Variants in RORA observed in about 807,000 individuals in gnomAD.
The protein encoded by RORA is RAR related orphan receptor A, also known as nuclear receptor ROR-alpha.
A neutral mutation model predicts 69.5 loss-of-function variants in RORA; 7 were observed. The observed-to-expected ratio is 0.10, with a 90% confidence interval of 0.06 to 0.19. RORA has a LOEUF of 0.19. Ranked by LOEUF, RORA falls within the 10% of genes least tolerant of loss-of-function variation. The pLI, the probability that RORA is intolerant of heterozygous loss-of-function variation, is 1.00. For missense variants in RORA, 457 were observed against 663.0 expected (o/e 0.69, Z 3.41); for synonymous variants, 261 against 240.8 (o/e 1.08, Z -0.78).
Position 60,496,029 on chromosome 15 carries a change from G to A in RORA, c.*1426C>T, listed in dbSNP as rs1215449074. The A allele has an allele frequency of 6.6e-6, 1 of 152,042 alleles. No individual in the cohort carries two copies. Among genetic ancestry groups the A allele is most frequent in the Non-Finnish European group, 1.5e-5 (1 of 68,004 alleles). 9.4% of individuals were successfully genotyped at this position (152,042 alleles called of 1,614,324 possible). A position where few individuals can be genotyped will look rare whatever the true frequency, so the allele number is the denominator to read the frequency against. Reference sequence around the variant, plus strand: ...CAGCTAGCATCAACTTCACTTTAAAGGCTTAAAGTATTTAATATTTAAATA... The same window carrying A: ...CAGCTAGCATCAACTTCACTTTAAAAGCTTAAAGTATTTAATATTTAAATA... On this transcript the variant is annotated 3_prime_UTR_variant, in exon 11 of 11. Transcript: ENST00000335670. This position sits in a 1 kb window ranked among gnomAD's most constrained non-coding sequence, Gnocchi z 4.5.
intron 2 of RORA, among the ~76,000 whole-genome samples, chr15:60,550,274 AGT>A (rs2067194799): frequency 2.0e-5 from 3 of 152,140 alleles, no homozygotes. Context: ...TGGGCAGCAG[AGT>A]GAGACTCCGT....
chr15:61,009,898 AC>A (rs1163039994), intron 1 of RORA, among the ~76,000 whole-genome samples: 2 of 152,326 alleles, frequency 1.3e-5, no homozygotes, highest in South Asian at 4.1e-4. Flanking sequence ...AGGGTATGCA[AC>A]TGTGCAGATC....
chr15:61,204,654 C>T (rs929942131), intron 1 of RORA, among the ~76,000 whole-genome samples: 11 of 152,152 alleles, frequency 7.2e-5, no homozygotes, highest in South Asian at 4.1e-4. Flanking sequence ...TTTGCATTTC[C>T]AAAAATCCAC....
intron 1 of RORA, among the ~76,000 whole-genome samples, chr15:60,695,726 T>G (rs905552407): frequency 1.3e-5 from 2 of 152,102 alleles, no homozygotes; most frequent in African/African-American, 2.4e-5. Flanking sequence ...GATTCCTGCC[T>G]CGCGCCCCCA....
At chr15:61,118,024 G>A (rs1004999391) in intron 1 of RORA, among the ~76,000 whole-genome samples, 5 of 152,100 alleles carry the variant, frequency 3.3e-5, no homozygotes, top group Non-Finnish European at 5.9e-5. Context: ...AGGCGTATTC[G>A]GTTTGACACC....
At chr15:60,913,135 C>T (rs150581350) in intron 1 of RORA, among the ~76,000 whole-genome samples, 160 of 152,242 alleles carry the variant, frequency 1.1e-3, no homozygotes, top group Middle Eastern at 3.4e-3. Flanking sequence ...AGGGCAGCCA[C>T]GCTTTGGAGG....
intron 1 of RORA, among the ~76,000 whole-genome samples, chr15:60,801,021 T>C (rs576123392): frequency 1.1e-4 from 16 of 152,302 alleles, no homozygotes; most frequent in African/African-American, 3.8e-4. Flanking sequence ...ACTGAAAAAC[T>C]AGACGTGAAG....
intron 1 of RORA, among the ~76,000 whole-genome samples, chr15:60,902,613 CT>C (rs1891423181): frequency 6.6e-6 from 1 of 152,150 alleles, no homozygotes; most frequent in South Asian, 2.1e-4. Flanking sequence ...TGATTTGGAT[CT>C]TTTTCAAGAA....
intron 1 of RORA, among the ~76,000 whole-genome samples, chr15:61,020,981 C>T (rs139520382): frequency 2.0e-5 from 3 of 152,266 alleles, no homozygotes; most frequent in East Asian, 1.9e-4. Flanking sequence ...TTCCACATAA[C>T]GTGAATTCTG....
intron 1 of RORA, among the ~76,000 whole-genome samples, chr15:61,225,404 A>C (rs2140952006): frequency 6.6e-6 from 1 of 152,298 alleles, no homozygotes; most frequent in East Asian, 1.9e-4. Flanking sequence ...TGAATCAGCC[A>C]AAACTGAAGG....
At chr15:60,834,285 G>A (rs1044506165) in intron 1 of RORA, among the ~76,000 whole-genome samples, 13 of 152,262 alleles carry the variant, frequency 8.5e-5, no homozygotes, top group African/African-American at 3.1e-4. Flanking sequence ...TTTCTGAGTG[G>A]TTTTAAAAGC....
chr15:60,493,432 A>C lies in RORA; in HGVS notation c.*4023T>G, dbSNP rs1302222043. 1.3e-5 allele frequency: 2 copies of C among 152,234 alleles called. No individual in the cohort carries two copies. Among genetic ancestry groups the C allele is most frequent in the East Asian group, 3.9e-4 (2 of 5,194 alleles). The allele number at this position is 152,234 out of a possible 1,614,324, so 9.4% of individuals were successfully genotyped here. ...GAGGAATGAAGAACATGTGCAAAAAAGCAACAATGAGAGAAGCTTACATAC... is the reference window on the plus strand; with the variant it reads ...GAGGAATGAAGAACATGTGCAAAAACGCAACAATGAGAGAAGCTTACATAC... On this transcript the variant is annotated 3_prime_UTR_variant, in exon 11 of 11. Coordinates refer to ENST00000335670, the MANE Select transcript of RORA (RefSeq NM_134261.3).
intron 1 of RORA, among the ~76,000 whole-genome samples, chr15:60,712,724 G>A (rs547629323): frequency 5.3e-5 from 8 of 152,322 alleles, no homozygotes; most frequent in African/African-American, 1.9e-4. Flanking sequence ...CTTCCAGGAA[G>A]GCTTTTGTGA....
chr15:60,746,545 G>T (rs2140855555), intron 1 of RORA, among the ~76,000 whole-genome samples: 1 of 152,302 alleles, frequency 6.6e-6, no homozygotes, highest in Admixed American at 6.5e-5. Context: ...TCAACTACCT[G>T]TGATCAATGA....
At chr15:60,693,513 T>C (rs1596132196) in intron 1 of RORA, among the ~76,000 whole-genome samples, 1 of 152,104 alleles carries the variant, frequency 6.6e-6, no homozygotes, top group Non-Finnish European at 1.5e-5. Context: ...GTCAAACTGT[T>C]TGCAGATGAC....
At chr15:61,108,447 T>C (rs2078971902) in intron 1 of RORA, among the ~76,000 whole-genome samples, 1 of 152,246 alleles carries the variant, frequency 6.6e-6, no homozygotes, top group Non-Finnish European at 1.5e-5. Context: ...TGCCTGTTTA[T>C]ATAAATAAAA....
Position 61,147,830 on chromosome 15 carries a change from G to A in RORA, c.166+81223C>T, listed in dbSNP as rs1359054836. Among the ~76,000 whole-genome samples, 10 of 149,360 alleles carry A rather than the reference G, an allele frequency of 6.7e-5. No homozygotes were observed. ...GGTTTTTTTACCTGCCTCCTTCACTGTATAAGCCCAACCTGTTCACTGTGT... is the reference window on the plus strand; with the variant it reads ...GGTTTTTTTACCTGCCTCCTTCACTATATAAGCCCAACCTGTTCACTGTGT... On this transcript the variant is annotated intron_variant, in intron 1 of 10. Coordinates refer to ENST00000335670, the MANE Select transcript of RORA (RefSeq NM_134261.3). This position sits in a 1 kb window ranked among gnomAD's most constrained non-coding sequence, Gnocchi z 4.1.
At chr15:60,498,315 G>A (rs534383006) in intron 10 of RORA, among the ~76,000 whole-genome samples, 6 of 152,110 alleles carry the variant, frequency 3.9e-5, no homozygotes, top group South Asian at 2.1e-4. Context: ...ATGGAGAAGC[G>A]GGTGAGGGGC....
chr15:60,962,316 C>T (rs1893436065), intron 1 of RORA, among the ~76,000 whole-genome samples: 1 of 152,162 alleles, frequency 6.6e-6, no homozygotes, highest in South Asian at 2.1e-4. Flanking sequence ...ATTTCCCCTC[C>T]CCACTTTCTA....
Sources: gnomAD v4.1 joint callset for allele counts (sites outside exome capture counted in the v4.1 genomes callset) on GRCh38, gnomAD v4.1.1 for gene constraint, Gnocchi (gnomAD v3.1) non-coding constraint, MANE v1.5 for transcripts, NCBI Gene and HGNC (gene_info 2026-07-23, HGNC 2026-07-21) for gene names.